Variants in GOLGA7B observed in about 807,000 individuals in gnomAD.
The protein encoded by GOLGA7B is golgin A7 family member B.
In GOLGA7B, 17 loss-of-function variants were observed where a neutral mutation model predicts 21.5. That is an observed-to-expected ratio of 0.79 (90% CI 0.54 to 1.19). The LOEUF (loss-of-function observed/expected upper bound fraction) is 1.19, where lower values mean the gene tolerates loss of function less well. Among genes scored for constraint, GOLGA7B ranks in the 50% most tolerant of loss-of-function variants. The pLI, the probability that GOLGA7B is intolerant of heterozygous loss-of-function variation, is 0.00. For missense variants in GOLGA7B, 169 were observed against 224.4 expected (o/e 0.75, Z 1.58); for synonymous variants, 87 against 84.0 (o/e 1.04, Z -0.19).
rs2049976828 is a variant in GOLGA7B at position 97,862,424 on chromosome 10, C to G, written c.139-1506C>G. On this transcript the variant is annotated intron_variant, in intron 2 of 4. Coordinates refer to ENST00000370602, the MANE Select transcript of GOLGA7B (RefSeq NM_001010917.3). ...ACTGGGAGTCTTCTGTTAATACAAA[C>G]AGTTTATTAACACACATTTTGCATG... Among the ~76,000 whole-genome samples the G allele has an allele frequency of 1.3e-5, 2 of 152,144 alleles. 1 individual carries two copies. The highest frequency in any genetic ancestry group is 4.1e-4 in the South Asian group (2 of 4,830).
rs1431919348 is a variant in GOLGA7B at position 97,863,914 on chromosome 10, C to G, written c.139-16C>G. On this transcript the variant is annotated splice_polypyrimidine_tract_variant and intron_variant, in intron 2 of 4. Coordinates refer to ENST00000370602, the MANE Select transcript of GOLGA7B (RefSeq NM_001010917.3). ...CAGGGAGGCTAACCGCAGCCTGGCT[C>G]TGTCCCTTTCTCCAGATCGAGCGGC... 4 of 1,605,014 alleles carry G rather than the reference C, an allele frequency of 2.5e-6. No homozygotes were observed. Among genetic ancestry groups the G allele is most frequent in the Non-Finnish European group, 3.4e-6 (4 of 1,175,186 alleles).
intron 2 of GOLGA7B, among the ~76,000 whole-genome samples, chr10:97,863,449 C>T (rs2049984632): frequency 6.6e-6 from 1 of 152,152 alleles, no homozygotes; most frequent in Non-Finnish European, 1.5e-5. Context: ...GAGAGATGCC[C>T]CTGAGGTCTC....
At position 97,866,762 on chromosome 10, in the gene GOLGA7B, G is replaced by A. The variant is rs1464321076; in HGVS notation, c.*1062G>A. The A allele has an allele frequency of 1.3e-5, 2 of 152,242 alleles. No individual in the cohort carries two copies. Among genetic ancestry groups the A allele is most frequent in the Non-Finnish European group, 2.9e-5 (2 of 68,058 alleles). The allele number at this position is 152,242 out of a possible 1,614,324, so 9.4% of individuals were successfully genotyped here. Reference sequence around the variant, plus strand: ...AGTGCATGCATGTGCATGAACATGTGTGCACAAGCATGTGTGTATGAGTGT... The same window carrying A: ...AGTGCATGCATGTGCATGAACATGTATGCACAAGCATGTGTGTATGAGTGT... On this transcript the variant is annotated 3_prime_UTR_variant, in exon 5 of 5. Transcript: ENST00000370602.
At chr10:97,859,773 T>C (rs115124367) in intron 2 of GOLGA7B, among the ~76,000 whole-genome samples, 190 bp downstream of exon 2, 2,244 of 152,364 alleles carry the variant, frequency 0.015, 45 homozygotes, top group African/African-American at 0.05. Flanking sequence ...TGTCTCCTCA[T>C]AGAAAATTAG....
intron 1 of GOLGA7B, among the ~76,000 whole-genome samples, chr10:97,853,962 C>T (rs1294995992): frequency 1.3e-5 from 2 of 152,186 alleles, no homozygotes; most frequent in East Asian, 1.9e-4. Flanking sequence ...CTTACTTAGT[C>T]TGTTGAGTGC....
intron 4 of GOLGA7B, chr10:97,865,142 A>C (rs2050005088): frequency 6.1e-6 from 1 of 164,844 alleles, no homozygotes; most frequent in African/African-American, 2.4e-5. Flanking sequence ...CCCATTTTGC[A>C]GATGCGATAA....
chr10:97,861,328 T>C (rs2049970002), intron 2 of GOLGA7B, among the ~76,000 whole-genome samples: 1 of 152,256 alleles, frequency 6.6e-6, no homozygotes, highest in Non-Finnish European at 1.5e-5. Context: ...GCATCTTTTG[T>C]GGGTACAGAT....
chr10:97,860,464 G>A (rs1231317700), intron 2 of GOLGA7B, among the ~76,000 whole-genome samples: 2 of 151,886 alleles, frequency 1.3e-5, no homozygotes, highest in Admixed American at 1.3e-4. Flanking sequence ...TGATCTTCCT[G>A]CCTCGGCCTC....
intron 4 of GOLGA7B, among the ~76,000 whole-genome samples, chr10:97,864,835 G>A (rs1295172972): frequency 6.6e-6 from 1 of 152,174 alleles, no homozygotes; most frequent in Non-Finnish European, 1.5e-5. Flanking sequence ...GCTGGACGGG[G>A]GTGGGGCGTG....
chr10:97,866,159 G>GT lies in GOLGA7B; in HGVS notation c.*460dup, dbSNP rs958566691. 1 of 161,002 alleles carries GT rather than the reference G, an allele frequency of 6.2e-6. No homozygotes were observed. The highest frequency in any genetic ancestry group is 1.4e-5 in the Non-Finnish European group (1 of 73,666). 10.0% of individuals were successfully genotyped at this position (161,002 alleles called of 1,614,324 possible). A position where few individuals can be genotyped will look rare whatever the true frequency, so the allele number is the denominator to read the frequency against. On this transcript the variant is annotated 3_prime_UTR_variant, in exon 5 of 5. Transcript: ENST00000370602. ...CCCTGCGTCCCGTGGCTGTCTCCCA[G>GT]TATCTGTTCCTTCTCATGCCCCTGC... is the stretch of plus-strand genomic sequence containing the variant.
At chr10:97,863,746 C>T (rs772570694) in intron 2 of GOLGA7B, among the ~76,000 whole-genome samples, 184 bp from the exon 3 acceptor site, 2 of 152,252 alleles carry the variant, frequency 1.3e-5, no homozygotes, top group African/African-American at 4.8e-5. Context: ...GGACTGGCCC[C>T]CCCAGTCTCC....
Position 97,869,174 on chromosome 10 carries a change from C to T in GOLGA7B, c.*3474C>T, listed in dbSNP as rs933430332. Reference sequence around the variant, plus strand: ...AGATTCCCAGGGAAGGACTTGGAGCCATGCCTGGGTTTTGAGGCCGGGCTG... The same window carrying T: ...AGATTCCCAGGGAAGGACTTGGAGCTATGCCTGGGTTTTGAGGCCGGGCTG... On this transcript the variant is annotated 3_prime_UTR_variant, in exon 5 of 5. Coordinates refer to ENST00000370602, the MANE Select transcript of GOLGA7B (RefSeq NM_001010917.3). 1 of 152,276 alleles carries T rather than the reference C, an allele frequency of 6.6e-6. No homozygotes were observed. The highest frequency in any genetic ancestry group is 2.4e-5 in the African/African-American group (1 of 41,466). The allele number at this position is 152,276 out of a possible 1,614,324, so 9.4% of individuals were successfully genotyped here.
chr10:97,868,575 T>A lies in GOLGA7B; in HGVS notation c.*2875T>A, dbSNP rs11189415. On this transcript the variant is annotated 3_prime_UTR_variant, in exon 5 of 5. Transcript: ENST00000370602. ...GTTTGTTGTCACTGCCGCTAAGGGCTGCAGTGAGCTGTGTGCAGCCTGGAC... is the reference window on the plus strand; with the variant it reads ...GTTTGTTGTCACTGCCGCTAAGGGCAGCAGTGAGCTGTGTGCAGCCTGGAC... The A allele has an allele frequency of 0.11, 16,128 of 152,364 alleles. 1,533 individuals carry two copies. Among genetic ancestry groups the A allele is most frequent in the African/African-American group, 0.25 (10,530 of 41,532 alleles). 9.4% of individuals were successfully genotyped at this position (152,364 alleles called of 1,614,324 possible). A position where few individuals can be genotyped will look rare whatever the true frequency, so the allele number is the denominator to read the frequency against.
chr10:97,855,941 C>A (rs1332217690), intron 1 of GOLGA7B, among the ~76,000 whole-genome samples: 2 of 152,236 alleles, frequency 1.3e-5, no homozygotes, highest in Non-Finnish European at 2.9e-5. Flanking sequence ...CAAGGTCCAC[C>A]TGGATTTAGG....
At chr10:97,853,951 C>T (rs1267780778) in intron 1 of GOLGA7B, among the ~76,000 whole-genome samples, 1 of 152,064 alleles carries the variant, frequency 6.6e-6, no homozygotes, top group Non-Finnish European at 1.5e-5. Context: ...CATGGGTGTG[C>T]CTTACTTAGT....
Position 97,850,047 on chromosome 10 carries a change from G to A in GOLGA7B, c.-257G>A, listed in dbSNP as rs2049894394. On this transcript the variant is annotated 5_prime_UTR_variant, in exon 1 of 5. Transcript: ENST00000370602. Reference sequence around the variant, plus strand: ...GCAGCGGGCGATCGGGCCGTGAGGAGCCTCGGGCGCGGCCTCGCCTCCCGG... The same window carrying A: ...GCAGCGGGCGATCGGGCCGTGAGGAACCTCGGGCGCGGCCTCGCCTCCCGG... Among the ~76,000 whole-genome samples, 1 of 150,036 alleles carries A rather than the reference G, an allele frequency of 6.7e-6. No individual in the cohort carries two copies. The highest frequency in any genetic ancestry group is 2.1e-4 in the South Asian group (1 of 4,820).
chr10:97,856,685 T>G (rs1434541069), intron 1 of GOLGA7B, among the ~76,000 whole-genome samples: 1 of 152,252 alleles, frequency 6.6e-6, no homozygotes, highest in Non-Finnish European at 1.5e-5. Context: ...GAGGTTGAAC[T>G]AATTTACATT....
intron 4 of GOLGA7B, among the ~76,000 whole-genome samples, chr10:97,864,732 TC>T (rs774126377): frequency 7.2e-5 from 11 of 152,132 alleles, no homozygotes; most frequent in Non-Finnish European, 1.6e-4. Flanking sequence ...TCATGGAATC[TC>T]CCGTGGCAGG....
chr10:97,853,890 G>C (rs2049919245), intron 1 of GOLGA7B, among the ~76,000 whole-genome samples: 1 of 152,248 alleles, frequency 6.6e-6, no homozygotes, highest in Non-Finnish European at 1.5e-5. Context: ...CCAGCCATGG[G>C]ATTCTTTATT....
Sources: gnomAD v4.1 joint callset for allele counts (sites outside exome capture counted in the v4.1 genomes callset) on GRCh38, gnomAD v4.1.1 for gene constraint, MANE v1.5 for transcripts, NCBI Gene and HGNC (gene_info 2026-07-23, HGNC 2026-07-21) for gene names.